The following EIPR1 variants were observed in gnomAD, a reference collection of about 807,000 sequenced individuals.
EIPR1 encodes the protein EARP and GARP complex-interacting protein 1.
EIPR1 carries 25 observed loss-of-function variants against 48.1 expected under a neutral mutation model. The observed-to-expected ratio is 0.52, with a 90% CI of 0.38 to 0.73. The LOEUF is 0.73. Among genes scored for constraint, EIPR1 ranks in the 30% least tolerant of loss-of-function variants. EIPR1 has a pLI of 0.00. For missense variants in EIPR1, 415 were observed against 506.2 expected, an observed-to-expected ratio of 0.82 and a Z score of 1.73; for synonymous variants, 204 against 201.9, an observed-to-expected ratio of 1.01 and a Z score of -0.09.
At chr2:3,306,287 T>C (rs572763926) in intron 3 of EIPR1, among the ~76,000 whole-genome samples, 1 of 152,336 alleles carries the variant, frequency 6.6e-6, no homozygotes, top group South Asian at 2.1e-4. Context: ...TGTTCTCTTT[T>C]CCCCCCTTCT....
At chr2:3,238,277 G>A (rs536942391) in intron 4 of EIPR1, among the ~76,000 whole-genome samples, 84 of 152,232 alleles carry the variant, frequency 5.5e-4, no homozygotes, top group African/African-American at 2.0e-3. Flanking sequence ...TCACCAACAC[G>A]GCTTTCCGGA....
chr2:3,230,682 T>C (rs1358192050), intron 4 of EIPR1, among the ~76,000 whole-genome samples: 2 of 152,236 alleles, frequency 1.3e-5, no homozygotes, highest in Non-Finnish European at 2.9e-5. Context: ...AGTTTATTTA[T>C]GAGCTTTCTA....
chr2:3,364,587 A>G (rs902491816), intron 1 of EIPR1, among the ~76,000 whole-genome samples: 1 of 151,790 alleles, frequency 6.6e-6, no homozygotes, highest in African/African-American at 2.4e-5. Flanking sequence ...GTGAGCCGAG[A>G]TTGTACCACT....
At chr2:3,319,611 C>T (rs904367942) in intron 3 of EIPR1, 18 of 163,578 alleles carry the variant, frequency 1.1e-4, no homozygotes, top group Admixed American at 3.2e-4. Flanking sequence ...GCCCAAGTAC[C>T]GGCTACAGTC....
chr2:3,376,822 A>G (rs1352405003), intron 1 of EIPR1, among the ~76,000 whole-genome samples: 1 of 152,204 alleles, frequency 6.6e-6, no homozygotes, highest in Non-Finnish European at 1.5e-5. Context: ...TGCTTTAGGC[A>G]TAACACATTC....
At chr2:3,367,098 T>A (rs1014319204) in intron 1 of EIPR1, among the ~76,000 whole-genome samples, 3 of 125,558 alleles carry the variant, frequency 2.4e-5, no homozygotes, top group East Asian at 4.2e-4. Context: ...TAAATTCAAC[T>A]GATGAAATTA....
At chr2:3,271,508 AAAC>A (rs1242793188) in intron 3 of EIPR1, among the ~76,000 whole-genome samples, 1 of 152,230 alleles carries the variant, frequency 6.6e-6, no homozygotes, top group African/African-American at 2.4e-5. Context: ...GCAGGCATGA[AAAC>A]AACATTTGTT....
intron 3 of EIPR1, among the ~76,000 whole-genome samples, chr2:3,293,486 C>T (rs995138572): frequency 2.6e-5 from 4 of 152,200 alleles, no homozygotes; most frequent in South Asian, 4.1e-4. Context: ...CAGGAGGGTC[C>T]TGGCACCCAG....
chr2:3,252,720 G>T (rs2103210764), intron 4 of EIPR1, among the ~76,000 whole-genome samples: 1 of 152,352 alleles, frequency 6.6e-6, no homozygotes, highest in African/African-American at 2.4e-5. Flanking sequence ...TGGGGCTGGT[G>T]ATGGGGCAGG....
intron 3 of EIPR1, among the ~76,000 whole-genome samples, chr2:3,322,009 C>T (rs1266015025): frequency 6.6e-6 from 1 of 152,188 alleles, no homozygotes; most frequent in Non-Finnish European, 1.5e-5. Flanking sequence ...GCATCTTATC[C>T]GAGGGATCGG....
intron 3 of EIPR1, among the ~76,000 whole-genome samples, chr2:3,329,534 C>T (rs1047173082): frequency 2.6e-5 from 4 of 151,998 alleles, no homozygotes; most frequent in Admixed American, 6.5e-5. Flanking sequence ...GGGGTGCCAG[C>T]CTGGGCTTCC....
At chr2:3,224,160 C>T (rs1161929463) in intron 4 of EIPR1, among the ~76,000 whole-genome samples, 1 of 152,190 alleles carries the variant, frequency 6.6e-6, no homozygotes, top group Non-Finnish European at 1.5e-5. Flanking sequence ...AAACTTGTCT[C>T]CCTGTAGTCT....
chr2:3,289,460 A>AG (rs1558276344), intron 3 of EIPR1, among the ~76,000 whole-genome samples: 1 of 152,108 alleles, frequency 6.6e-6, no homozygotes, highest in Non-Finnish European at 1.5e-5. Context: ...AACCGAACTG[A>AG]GGGACCACGG....
chr2:3,198,048 G>A (rs537809786), intron 5 of EIPR1, among the ~76,000 whole-genome samples: 1 of 152,226 alleles, frequency 6.6e-6, no homozygotes, highest in Non-Finnish European at 1.5e-5. Context: ...CAGGCTCGGG[G>A]TGAACAAGTC....
intron 2 of EIPR1, among the ~76,000 whole-genome samples, chr2:3,349,503 A>G (rs1670503141): frequency 1.3e-5 from 2 of 152,236 alleles, no homozygotes; most frequent in Admixed American, 6.5e-5. Flanking sequence ...GAACTGCACA[A>G]TACCACCACA....
At chr2:3,248,940 G>C (rs1022130662) in intron 4 of EIPR1, among the ~76,000 whole-genome samples, 1 of 152,152 alleles carries the variant, frequency 6.6e-6, no homozygotes, top group Non-Finnish European at 1.5e-5. Context: ...TTCCTGTACA[G>C]CCTGTGGAAC....
chr2:3,339,332 C>T (rs1034080549), intron 2 of EIPR1, among the ~76,000 whole-genome samples: 3 of 152,188 alleles, frequency 2.0e-5, no homozygotes, highest in Admixed American at 6.5e-5. Flanking sequence ...ACTGACTGTG[C>T]CTGGCGCACT....
chr2:3,317,388 G>A (rs781738537), intron 3 of EIPR1, among the ~76,000 whole-genome samples: 24 of 151,710 alleles, frequency 1.6e-4, no homozygotes, highest in Non-Finnish European at 3.1e-4. Context: ...TGACCGAGCT[G>A]AGGGCCTACT....
Position 3,214,203 on chromosome 2 carries a change from C to G in EIPR1, c.462G>C (p.Leu154Phe). The G allele has an allele frequency of 6.2e-7, 1 of 1,613,788 alleles. No individual in the cohort carries two copies. The highest frequency in any genetic ancestry group is 8.5e-7 in the Non-Finnish European group (1 of 1,179,868). The change falls in exon 5 of 9, where the codon TTG becomes TTC. Residue 154 changes from leucine (L) to phenylalanine (F), a missense_variant. Coordinates refer to ENST00000382125, the MANE Select transcript of EIPR1 (RefSeq NM_003310.5). ...CCCACAGCAGGATATGGTTATCAGC[C>G]AAGGAAATGATTTTCTTCCCATCTC... is the stretch of plus-strand genomic sequence containing the variant. Reference protein sequence around the residue: ...PMGDGKKIISLADNHILLWDL... With the variant: ...PMGDGKKIISFADNHILLWDL...
Sources: allele counts gnomAD v4.1 joint callset (sites outside exome capture counted in the v4.1 genomes callset), GRCh38; gene constraint gnomAD v4.1.1; transcripts MANE v1.5; gene names NCBI Gene and HGNC (gene_info 2026-07-23, HGNC 2026-07-21).